EDARADD: variants seen among roughly 807,000 people sequenced by gnomAD.
The protein encoded by EDARADD is ectodysplasin-A receptor-associated adapter protein.
In EDARADD, 20 loss-of-function variants were observed where a neutral mutation model predicts 25.6. That is an observed-to-expected ratio of 0.78 (90% CI 0.55 to 1.14). The LOEUF is 1.14. Among genes scored for constraint, EDARADD ranks in the 50% most tolerant of loss-of-function variants. The pLI is 0.00. For missense variants in EDARADD, 225 were observed against 270.1 expected (o/e 0.83, Z 1.17); for synonymous variants, 86 against 94.4 (o/e 0.91, Z 0.52).
chr1:236,394,691 T>C (rs1309913623), intron 1 of EDARADD, among the ~76,000 whole-genome samples, 186 bp downstream of exon 1: 1 of 152,240 alleles, frequency 6.6e-6, no homozygotes, highest in Admixed American at 6.5e-5. Flanking sequence ...TCTTCAAAGA[T>C]TCCTATTTAA....
intron 4 of EDARADD, among the ~76,000 whole-genome samples, chr1:236,456,001 G>A (rs1658851392): frequency 6.6e-6 from 1 of 152,168 alleles, no homozygotes; most frequent in Admixed American, 6.6e-5. Flanking sequence ...ATTTTAGCCA[G>A]GATGGTCTCG....
chr1:236,362,984 T>C (rs1332691144), intron 3 of EDARADD, among the ~76,000 whole-genome samples: 1 of 24,310 alleles, frequency 4.1e-5, no homozygotes, highest in African/African-American at 1.5e-4. Flanking sequence ...CTTCTTTTTT[T>C]AAGAAAAAAA....
chr1:236,481,694 G>A (rs1002926197), intron 5 of EDARADD, among the ~76,000 whole-genome samples: 3 of 150,782 alleles, frequency 2.0e-5, no homozygotes, highest in African/African-American at 7.3e-5. Context: ...TGGGAGGATC[G>A]CTTGAGCCTG....
intron 4 of EDARADD, among the ~76,000 whole-genome samples, chr1:236,445,193 ACTTTT>A (rs1174193011): frequency 7.0e-6 from 1 of 143,060 alleles, no homozygotes; most frequent in African/African-American, 2.5e-5. Flanking sequence ...ACGTTTATTT[ACTTTT>A]CTTGTGTTAT....
chr1:236,443,694 T>A (rs957071304), intron 4 of EDARADD, among the ~76,000 whole-genome samples: 2 of 152,242 alleles, frequency 1.3e-5, no homozygotes, highest in Non-Finnish European at 2.9e-5. Flanking sequence ...AATCTGCTCC[T>A]GGCAAAAATG....
chr1:236,354,969 A>G lies in EDARADD; in HGVS notation c.-6+4130A>G, dbSNP rs139606520. On this transcript the variant is annotated intron_variant, in intron 3 of 7. Transcript: ENST00000439430. ...TGAATATATATGACTATTGTGTAAT[A>G]CAGACCCTGTGAGGCACAAAAACCA... is the stretch of plus-strand genomic sequence containing the variant. Among the ~76,000 whole-genome samples, 401 of 152,324 alleles carry G rather than the reference A, an allele frequency of 2.6e-3. 1 individual carries two copies. The highest frequency in any genetic ancestry group is 0.01 in the Middle Eastern group (3 of 294).
In EDARADD at chr1:236,470,162, G is replaced by A. The variant is rs1659321636; in HGVS notation, c.265+1886G>A. ...TCTAACATGAGCTGGTATCAGAACT[G>A]CCCCTCCGCATTTAATCTGTGTATA... On this transcript the variant is annotated intron_variant, in intron 5 of 5. Transcript: ENST00000334232. 3.9e-5 allele frequency among the ~76,000 whole-genome samples: 6 copies of A among 152,206 alleles called. No homozygotes were observed. In the South Asian group the frequency reaches 1.2e-3, roughly 32 times the overall value.
At chr1:236,458,253 T>C (rs1658930069) in intron 4 of EDARADD, among the ~76,000 whole-genome samples, 1 of 152,246 alleles carries the variant, frequency 6.6e-6, no homozygotes, top group Admixed American at 6.5e-5. Context: ...GAGCTGCGGG[T>C]AACTCCCATG....
At chr1:236,415,111 A>G (rs1290838543) in intron 3 of EDARADD, among the ~76,000 whole-genome samples, 1 of 152,180 alleles carries the variant, frequency 6.6e-6, no homozygotes, top group Admixed American at 6.5e-5. Context: ...CACGGATAGC[A>G]CAATTTTAGA....
chr1:236,483,931 A>G lies in EDARADD; in HGVS notation c.*1282A>G. The G allele has an allele frequency of 7.3e-7, 1 of 1,372,986 alleles. No individual in the cohort carries two copies. Among genetic ancestry groups the G allele is most frequent in the Non-Finnish European group, 1.0e-6 (1 of 962,878 alleles). 85.1% of individuals were successfully genotyped at this position (1,372,986 alleles called of 1,614,324 possible). Reference sequence around the variant, plus strand: ...GCCTCCGAGTTCTTCAGGTCTGGAAAGTATGACCTGGAATTCAAGTTTCTC... The same window carrying G: ...GCCTCCGAGTTCTTCAGGTCTGGAAGGTATGACCTGGAATTCAAGTTTCTC... On this transcript the variant is annotated 3_prime_UTR_variant, in exon 6 of 6. Coordinates refer to ENST00000334232, the MANE Select transcript of EDARADD (RefSeq NM_145861.4).
intron 2 of EDARADD, among the ~76,000 whole-genome samples, chr1:236,412,648 GCTTCTT>G (rs1657526046): frequency 6.6e-6 from 1 of 152,162 alleles, no homozygotes; most frequent in Non-Finnish European, 1.5e-5. Flanking sequence ...CTACTTTGCT[GCTTCTT>G]CTGAGTTCAT....
rs376288422 is a variant in EDARADD at position 236,427,030 on chromosome 1, C to T, written c.161-362C>T. On this transcript the variant is annotated intron_variant, in intron 3 of 5. Coordinates refer to ENST00000334232, the MANE Select transcript of EDARADD (RefSeq NM_145861.4). Reference sequence around the variant, plus strand: ...CAGAGTAGCTAGGATTACAGGCATGCGCTACCACTCTTGGCTAATTTTGTA... The same window carrying T: ...CAGAGTAGCTAGGATTACAGGCATGTGCTACCACTCTTGGCTAATTTTGTA... 2.8e-4 allele frequency among the ~76,000 whole-genome samples: 43 copies of T among 152,192 alleles called. No homozygotes were observed. The East Asian group carries it at 6.4e-3, about 23-fold the overall frequency.
At chr1:236,446,984 C>A (rs1433685124) in intron 4 of EDARADD, among the ~76,000 whole-genome samples, 2 of 152,170 alleles carry the variant, frequency 1.3e-5, no homozygotes, top group Non-Finnish European at 2.9e-5. Context: ...CCTCTGTCAT[C>A]AGGAGCTGAC....
At chr1:236,444,803 G>A (rs1199196049) in intron 4 of EDARADD, among the ~76,000 whole-genome samples, 2 of 152,124 alleles carry the variant, frequency 1.3e-5, no homozygotes, top group African/African-American at 2.4e-5. Context: ...CTGAATTTTT[G>A]CACCTGCCCC....
Position 236,483,051 on chromosome 1 carries a change from C to G in EDARADD, c.*402C>G. On this transcript the variant is annotated 3_prime_UTR_variant, in exon 6 of 6. Transcript: ENST00000334232. ...CATTATATGTAACATCTCTCCTGAT[C>G]AGTGCCATTCCCACGGTTTCAAAGA... The G allele has an allele frequency of 2.8e-6, 2 of 707,962 alleles. No individual in the cohort carries two copies. Among genetic ancestry groups the G allele is most frequent in the African/African-American group, 1.8e-5 (1 of 57,124 alleles). 43.9% of individuals were successfully genotyped at this position (707,962 alleles called of 1,614,324 possible). A position where few individuals can be genotyped will look rare whatever the true frequency, so the allele number is the denominator to read the frequency against.
At chr1:236,418,501 T>TC (rs1198005639) in intron 3 of EDARADD, among the ~76,000 whole-genome samples, 2 of 152,068 alleles carry the variant, frequency 1.3e-5, no homozygotes, top group South Asian at 2.1e-4. Context: ...CACCTCGGCC[T>TC]CCTAAAGTGT....
rs886046186 is a variant in EDARADD, at chr1:236,482,303, C to G, written c.302C>G (p.Thr101Ser). Residue 101 changes from threonine to serine, a missense_variant, in exon 6 of 6, where the codon ACT (threonine) becomes AGT (serine). Transcript: ENST00000334232. The stretch of plus-strand genomic sequence containing the variant: ...GACAACTCCTGCAAAGAAAACTGTA[C>G]TTGTTCCTCCTGCTTGCTCCGGGCC... ...SKDNSCKENC[T>S]CSSCLLRAPT... 1.2e-6 allele frequency: 2 copies of G among 1,614,090 alleles called. No homozygotes were observed. Among genetic ancestry groups the G allele is most frequent in the Non-Finnish European group, 1.7e-6 (2 of 1,180,030 alleles).
chr1:236,434,484 C>T (rs1658188635), intron 4 of EDARADD, among the ~76,000 whole-genome samples: 2 of 152,204 alleles, frequency 1.3e-5, no homozygotes, highest in Admixed American at 1.3e-4. Context: ...AAGCGATCCA[C>T]CCGCCTCAGC....
At chr1:236,432,810 A>T (rs1458222500) in intron 4 of EDARADD, among the ~76,000 whole-genome samples, 1 of 152,132 alleles carries the variant, frequency 6.6e-6, no homozygotes. Flanking sequence ...GCTTGAACTC[A>T]GGAGAGGAAG....
Sources: gnomAD v4.1 joint callset for allele counts (sites outside exome capture counted in the v4.1 genomes callset) on GRCh38, gnomAD v4.1.1 for gene constraint, MANE v1.5 for transcripts, NCBI Gene and HGNC (gene_info 2026-07-23, HGNC 2026-07-21) for gene names.